TSHR: variants seen among roughly 807,000 people sequenced by gnomAD.
TSHR encodes the protein thyrotropin receptor.
A neutral mutation model predicts 64.1 loss-of-function variants in TSHR; 51 were observed. That is an observed-to-expected ratio of 0.80 (90% CI 0.64 to 1.01). The LOEUF (loss-of-function observed/expected upper bound fraction) is 1.01, where lower values mean the gene tolerates loss of function less well. Among genes scored for constraint, TSHR ranks in the 50% least tolerant of loss-of-function variants. The pLI is 0.00. For synonymous variants in TSHR, 361 were observed against 361.9 expected, an observed-to-expected ratio of 1.00 and a Z score of 0.03; for missense variants, 877 against 942.8, an observed-to-expected ratio of 0.93 and a Z score of 0.91.
intron 5 of TSHR, 136 bp downstream of exon 5, chr14:81,091,279 C>A (rs1218270113): frequency 6.2e-6 from 5 of 812,364 alleles, no homozygotes; most frequent in Non-Finnish European, 1.0e-5. Context: ...TGTGACTACA[C>A]TGGCATGAAG....
chr14:81,060,663 T>C lies in TSHR; in HGVS notation c.171-1485T>C, dbSNP rs112245911. On this transcript the variant is annotated intron_variant, in intron 1 of 9. Coordinates refer to ENST00000298171, the MANE Select transcript of TSHR (RefSeq NM_000369.5). ...TCAAAGAAAGCATAGACCAAGGAAA[T>C]ATATTGTTGAAAAGTAACCCCTCAG... 2.9e-3 allele frequency among the ~76,000 whole-genome samples: 442 copies of C among 152,172 alleles called. 3 individuals carry two copies. The highest frequency in any genetic ancestry group is 0.01 in the African/African-American group (431 of 41,536).
At chr14:81,007,849 C>T (rs917341454) in intron 1 of TSHR, among the ~76,000 whole-genome samples, 4 of 152,200 alleles carry the variant, frequency 2.6e-5, no homozygotes, top group Admixed American at 1.3e-4. Flanking sequence ...AGAGCAGGAT[C>T]ACTTAGGTTC....
intron 7 of TSHR, among the ~76,000 whole-genome samples, chr14:81,101,041 C>G (rs1326839078): frequency 6.6e-6 from 1 of 152,216 alleles, no homozygotes; most frequent in East Asian, 1.9e-4. Context: ...AGCCCTCATC[C>G]TGAAGCTATC....
At chr14:80,959,669 G>A (rs746294050) in intron 1 of TSHR, among the ~76,000 whole-genome samples, 4 of 152,178 alleles carry the variant, frequency 2.6e-5, no homozygotes, top group African/African-American at 7.2e-5. Context: ...CTTGGGTTTC[G>A]ACGAAGTAAG....
In TSHR at chr14:81,096,708, G is replaced by A. The variant is rs1371416895; in HGVS notation, c.614+1G>A. ...TCAATGGGACAAAGCTGGATGCTGT[G>A]TAAGTCAAGGGTAGCCATGAAAACT... is the stretch of plus-strand genomic sequence containing the variant. On this transcript the variant is annotated splice_donor_variant, in intron 7 of 9. Transcript: ENST00000298171. LOFTEE classifies it high-confidence loss of function. 6.2e-7 allele frequency: 1 copy of A among 1,613,408 alleles called. No individual in the cohort carries two copies. The highest frequency in any genetic ancestry group is 1.1e-5 in the South Asian group (1 of 91,072).
At chr14:81,135,136 C>T (rs1430275818) in intron 8 of TSHR, among the ~76,000 whole-genome samples, 1 of 152,160 alleles carries the variant, frequency 6.6e-6, no homozygotes, top group Non-Finnish European at 1.5e-5. Context: ...AAAATAAGGT[C>T]ATTTTCAGAC....
intron 1 of TSHR, among the ~76,000 whole-genome samples, chr14:80,999,926 C>CTTTTTTTTTT (rs887541689): frequency 3.5e-5 from 5 of 142,908 alleles, no homozygotes; most frequent in Admixed American, 7.3e-5. Flanking sequence ...AATTTTTTTT[C>CTTTTTTTTTT]TTTTTTTTCT....
chr14:81,093,372 A>G (rs186075697), intron 6 of TSHR, among the ~76,000 whole-genome samples: 20 of 152,372 alleles, frequency 1.3e-4, no homozygotes, highest in Admixed American at 3.9e-4. Context: ...TAATTCTCCA[A>G]GCTGGTAGAA....
In TSHR at chr14:81,109,200, G is replaced by A. The variant is rs1382496552; in HGVS notation, c.692+748G>A. ...CGAGGCGGGCAGATCACGAGGTCAG[G>A]CGATCGAGACCATCCTGGCTAACAT... On this transcript the variant is annotated intron_variant, in intron 8 of 9. Transcript: ENST00000298171. 3.3e-5 allele frequency among the ~76,000 whole-genome samples: 5 copies of A among 152,186 alleles called. No homozygotes were observed. The East Asian group carries it at 9.7e-4, about 30-fold the overall frequency.
chr14:81,013,391 G>A (rs1890023765), intron 1 of TSHR: 1 of 152,128 alleles, frequency 6.6e-6, no homozygotes, highest in South Asian at 2.1e-4. Context: ...CTCCAGCTTT[G>A]TTCTTTTGGC....
chr14:80,959,227 T>G (rs1050394821), intron 1 of TSHR, among the ~76,000 whole-genome samples: 3 of 152,136 alleles, frequency 2.0e-5, no homozygotes, highest in African/African-American at 7.2e-5. Flanking sequence ...GGATCCCTAC[T>G]TCCCCCACTG....
At chr14:81,088,064 G>A (rs1179381974) in intron 4 of TSHR, 36 bp downstream of exon 4, 2 of 1,508,256 alleles carry the variant, frequency 1.3e-6, no homozygotes, top group South Asian at 1.1e-5. Flanking sequence ...TACTTTTCTG[G>A]GGGGAGGGGG....
chr14:80,983,311 A>T lies in TSHR; in HGVS notation c.170+27461A>T, dbSNP rs561344384. On this transcript the variant is annotated intron_variant, in intron 1 of 9. Coordinates refer to ENST00000298171, the MANE Select transcript of TSHR (RefSeq NM_000369.5). ...CAACTGACTACTGATTTTGTCCATCACTACATTGTTGCCGGTGACTTTTCA... is the reference window on the plus strand; with the variant it reads ...CAACTGACTACTGATTTTGTCCATCTCTACATTGTTGCCGGTGACTTTTCA... 4.6e-5 allele frequency: 52 copies of T among 1,124,582 alleles called. No individual in the cohort carries two copies. In the East Asian group the frequency reaches 1.2e-3, roughly 27 times the overall value. 69.7% of individuals were successfully genotyped at this position (1,124,582 alleles called of 1,614,324 possible).
chr14:81,014,780 A>G (rs970316528), intron 1 of TSHR, among the ~76,000 whole-genome samples: 1 of 152,204 alleles, frequency 6.6e-6, no homozygotes, highest in South Asian at 2.1e-4. Context: ...GCAGAACACA[A>G]TCTCAGAAAG....
chr14:81,039,623 G>T (rs1426576917), intron 1 of TSHR, among the ~76,000 whole-genome samples: 1 of 151,702 alleles, frequency 6.6e-6, no homozygotes, highest in Non-Finnish European at 1.5e-5. Context: ...ATTTAGTAAA[G>T]TTGCAGGATA....
intron 2 of TSHR, among the ~76,000 whole-genome samples, chr14:81,065,889 A>T (rs902318420): frequency 2.0e-5 from 3 of 152,196 alleles, no homozygotes; most frequent in Non-Finnish European, 1.5e-5. Context: ...CCCACTTGGG[A>T]TTCTGGCATA....
intron 8 of TSHR, among the ~76,000 whole-genome samples, chr14:81,114,081 T>G (rs887653235): frequency 2.0e-5 from 3 of 151,400 alleles, no homozygotes; most frequent in African/African-American, 7.3e-5. Flanking sequence ...AATGTATACC[T>G]TCCAAGTAAG....
At position 81,143,582 on chromosome 14, in the gene TSHR, G is replaced by A. The variant is rs148477562; in HGVS notation, c.1524G>A (p.Ser508=). ...GFFTVFASEL[S]VYTLTVITLE... ...TCACTGTCTTTGCAAGCGAGTTATCGGTGTATACGCTGACGGTCATCACCC... is the reference window on the plus strand; with the variant it reads ...TCACTGTCTTTGCAAGCGAGTTATCAGTGTATACGCTGACGGTCATCACCC... The change falls in exon 10 of 10, where the codon TCG becomes TCA. Residue 508 remains serine, a synonymous_variant. Coordinates refer to ENST00000298171, the MANE Select transcript of TSHR (RefSeq NM_000369.5). 78 of 1,613,306 alleles carry A rather than the reference G, an allele frequency of 4.8e-5. No individual in the cohort carries two copies. In the African/African-American group the frequency reaches 8.1e-4, roughly 17 times the overall value.
At chr14:81,050,168 C>G (rs1401361427) in intron 1 of TSHR, 1 of 152,138 alleles carries the variant, frequency 6.6e-6, no homozygotes, top group African/African-American at 2.4e-5. Flanking sequence ...AAGAAAACAT[C>G]CATCAGGCAG....
Sources: allele counts gnomAD v4.1 joint callset (sites outside exome capture counted in the v4.1 genomes callset), GRCh38; gene constraint gnomAD v4.1.1; transcripts MANE v1.5; gene names NCBI Gene and HGNC (gene_info 2026-07-23, HGNC 2026-07-21).